The following PITPNM3 variants were observed in gnomAD, a reference collection of about 807,000 sequenced individuals.
PITPNM3 encodes the protein PITPNM family member 3.
PITPNM3 carries 26 observed loss-of-function variants against 102.0 expected under a neutral mutation model. That is an observed-to-expected ratio of 0.25 (90% CI 0.19 to 0.35). PITPNM3 has a LOEUF of 0.35. Ranked by LOEUF, PITPNM3 falls within the 10% of genes least tolerant of loss-of-function variation. The pLI is 1.00. For synonymous variants in PITPNM3, 578 were observed against 558.6 expected, an observed-to-expected ratio of 1.03 and a Z score of -0.49; for missense variants, 1,083 against 1,346.1, an observed-to-expected ratio of 0.80 and a Z score of 3.06.
chr17:6,463,568 A>C (rs1047698338), intron 17 of PITPNM3, among the ~76,000 whole-genome samples, 164 bp downstream of exon 17: 4 of 152,174 alleles, frequency 2.6e-5, no homozygotes, highest in African/African-American at 9.7e-5. Flanking sequence ...TTTCCCAAGG[A>C]TACTCAATAA....
chr17:6,461,407 T>G lies in PITPNM3; in HGVS notation c.2456A>C (p.Gln819Pro). 1 of 1,614,148 alleles carries G rather than the reference T, an allele frequency of 6.2e-7. No individual in the cohort carries two copies. Reference protein sequence around the residue: ...SDGLVHDPLRQKAIFLRNLMQ... With the variant: ...SDGLVHDPLRPKAIFLRNLMQ... ...GAGGTTGCGCAGGAAGATGGCCTTC[T>G]GCCGCAGCGGGTCATGCACCAGCCC... is the stretch of plus-strand genomic sequence containing the variant. The change falls in exon 18 of 20, where the codon CAG (glutamine) becomes CCG (proline). Residue 819 changes from glutamine (Q) to proline (P), a missense_variant. By Grantham distance (76) the Gln-to-Pro change is moderately conservative (BLOSUM62 -1). This residue lies in a region of PITPNM3 where 410 missense variants were observed against 638.4 expected (regional missense o/e 0.64). Transcript: ENST00000262483.
Position 6,468,824 on chromosome 17 carries a change from T to C in PITPNM3, c.1774-483A>G, listed in dbSNP as rs564946822. Among the ~76,000 whole-genome samples, 1 of 152,246 alleles carries C rather than the reference T, an allele frequency of 6.6e-6. No individual in the cohort carries two copies. The highest frequency in any genetic ancestry group is 1.9e-4 in the East Asian group (1 of 5,174). On this transcript the variant is annotated intron_variant, in intron 13 of 19. Coordinates refer to ENST00000262483, the MANE Select transcript of PITPNM3 (RefSeq NM_031220.4). This position sits in a 1 kb window ranked among gnomAD's most constrained non-coding sequence, Gnocchi z 5.2. ...CCATCTTAAAAAATACTCTCTCAGA[T>C]TCCTCATGCCTCTCCAGTGACCGCC...
intron 4 of PITPNM3, among the ~76,000 whole-genome samples, chr17:6,487,536 G>A (rs932008461): frequency 9.9e-5 from 15 of 152,166 alleles, no homozygotes; most frequent in African/African-American, 3.4e-4. Flanking sequence ...CGGCCTTGCT[G>A]GGCTGGGCGC....
chr17:6,549,155 C>A (rs955239633), intron 1 of PITPNM3, among the ~76,000 whole-genome samples: 7 of 152,096 alleles, frequency 4.6e-5, no homozygotes, highest in Non-Finnish European at 8.8e-5. Flanking sequence ...AGCAGCTTCA[C>A]AAAACCTGAG....
At position 6,472,559 on chromosome 17, in the gene PITPNM3, C is replaced by T. The variant is rs1001651217; in HGVS notation, c.1429+98G>A. ...ACCTTCTGTTCTCACAGCCCCTGCT[C>T]AGGTGAGTCACCCTACTCACTGAGA... On this transcript the variant is annotated intron_variant, in intron 11 of 19. Coordinates refer to ENST00000262483, the MANE Select transcript of PITPNM3 (RefSeq NM_031220.4). The surrounding 1 kb of genome is among the most constrained non-coding windows in gnomAD (Gnocchi z 4.1). 12 of 1,435,766 alleles carry T rather than the reference C, an allele frequency of 8.4e-6. No individual in the cohort carries two copies. The highest frequency in any genetic ancestry group is 1.1e-5 in the Non-Finnish European group (12 of 1,044,392). The allele number at this position is 1,435,766 out of a possible 1,614,324, so 88.9% of individuals were successfully genotyped here. A position where few individuals can be genotyped will look rare whatever the true frequency, so the allele number is the denominator to read the frequency against.
chr17:6,473,125 T>G, intron 10 of PITPNM3: 1 of 454,950 alleles, frequency 2.2e-6, no homozygotes, highest in Non-Finnish European at 4.1e-6. Flanking sequence ...GGGCCCTCCC[T>G]CCCCCATTTC....
chr17:6,478,205 T>C lies in PITPNM3; in HGVS notation c.778-108A>G. 6.4e-7 allele frequency: 1 copy of C among 1,552,318 alleles called. No individual in the cohort carries two copies. On this transcript the variant is annotated intron_variant, in intron 7 of 19. Coordinates refer to ENST00000262483, the MANE Select transcript of PITPNM3 (RefSeq NM_031220.4). This position sits in a 1 kb window ranked among gnomAD's most constrained non-coding sequence, Gnocchi z 4.4. ...CCACAGGAGAATGAGAAACTCGTCC[T>C]TGGGAGGTGTTGAGAGAGCCCAACT...
chr17:6,490,256 G>A (rs988731866), intron 4 of PITPNM3, among the ~76,000 whole-genome samples: 1 of 152,114 alleles, frequency 6.6e-6, no homozygotes, highest in Non-Finnish European at 1.5e-5. Flanking sequence ...CAGACTTACA[G>A]GGGAGACAGG....
chr17:6,468,409 G>C lies in PITPNM3; in HGVS notation c.1774-68C>G. The stretch of plus-strand genomic sequence containing the variant: ...TCTCTGCTTCCCTCCCAGGGTGTCA[G>C]TGCCCACCAGCTTGTGGCCAGCTGG... On this transcript the variant is annotated intron_variant, in intron 13 of 19. Coordinates refer to ENST00000262483, the MANE Select transcript of PITPNM3 (RefSeq NM_031220.4). This position sits in a 1 kb window ranked among gnomAD's most constrained non-coding sequence, Gnocchi z 5.2. 1.3e-6 allele frequency: 2 copies of C among 1,508,446 alleles called. No homozygotes were observed. Among genetic ancestry groups the C allele is most frequent in the Non-Finnish European group, 1.8e-6 (2 of 1,085,610 alleles). The allele number at this position is 1,508,446 out of a possible 1,614,324, so 93.4% of individuals were successfully genotyped here. A position where few individuals can be genotyped will look rare whatever the true frequency, so the allele number is the denominator to read the frequency against.
Position 6,457,178 on chromosome 17 carries a change from C to T in PITPNM3, c.2619+416G>A, listed in dbSNP as rs56288601. On this transcript the variant is annotated intron_variant, in intron 19 of 19. Coordinates refer to ENST00000262483, the MANE Select transcript of PITPNM3 (RefSeq NM_031220.4). This position sits in a 1 kb window ranked among gnomAD's most constrained non-coding sequence, Gnocchi z 4.7. ...CTCCTGACCTTGGCTTTTGCTGCTG[C>T]CTCTGTCACAAATATTCTTCTCAAT... Among the ~76,000 whole-genome samples, 9,786 of 152,160 alleles carry T rather than the reference C, an allele frequency of 0.064. 552 individuals are homozygous for T. Among genetic ancestry groups the T allele is most frequent in the East Asian group, 0.17 (860 of 5,150 alleles).
intron 3 of PITPNM3, among the ~76,000 whole-genome samples, chr17:6,514,078 G>C (rs1908014519): frequency 6.6e-6 from 1 of 152,100 alleles, no homozygotes; most frequent in Non-Finnish European, 1.5e-5. Flanking sequence ...ACACTCAAAA[G>C]AACTCCTAGC....
Position 6,464,713 on chromosome 17 carries a change from A to G in PITPNM3, c.1949T>C (p.Val650Ala), listed in dbSNP as rs1904671177. Residue 650 changes from valine (V) to alanine (A), a missense_variant, in exon 15 of 20, where the codon GTC becomes GCC. Around this residue, in one of 5 missense-constraint regions of PITPNM3, gnomAD observed 410 missense variants for 638.4 expected, o/e 0.64. Transcript: ENST00000262483. The stretch of plus-strand genomic sequence containing the variant: ...CCCGTACATGAACCGCCCCACCAGG[A>G]CCTGGGGGCCATCTTCAGCAGCAAT... ...DVIAAEDGPQ[V>A]LVGRFMYGPL... 1.2e-6 allele frequency: 2 copies of G among 1,614,156 alleles called. No individual in the cohort carries two copies. Among genetic ancestry groups the G allele is most frequent in the East Asian group, 4.5e-5 (2 of 44,884 alleles).
chr17:6,521,118 A>G (rs574551662), intron 3 of PITPNM3: 1 of 152,316 alleles, frequency 6.6e-6, no homozygotes, highest in Non-Finnish European at 1.5e-5. Context: ...ATACTTAAGA[A>G]CCGTTAAAAT....
chr17:6,490,474 G>A (rs1906390447), intron 4 of PITPNM3, among the ~76,000 whole-genome samples: 1 of 152,136 alleles, frequency 6.6e-6, no homozygotes, highest in Non-Finnish European at 1.5e-5. Flanking sequence ...ACCTTGAAGG[G>A]GACCCAGAGT....
chr17:6,487,307 G>A (rs1204475403), intron 4 of PITPNM3, among the ~76,000 whole-genome samples: 1 of 152,182 alleles, frequency 6.6e-6, no homozygotes, highest in Non-Finnish European at 1.5e-5. Context: ...GTGGTGGTGA[G>A]GATAGATGAG....
chr17:6,508,513 G>A (rs1210344459), intron 3 of PITPNM3, among the ~76,000 whole-genome samples: 1 of 152,182 alleles, frequency 6.6e-6, no homozygotes, highest in East Asian at 1.9e-4. Context: ...TTCCCAGGAC[G>A]GCTCAGGCAG....
intron 1 of PITPNM3, among the ~76,000 whole-genome samples, chr17:6,547,822 G>A (rs1411089677): frequency 1.3e-5 from 2 of 151,290 alleles, no homozygotes; most frequent in Admixed American, 6.6e-5. Context: ...TGCAACCTCC[G>A]CCTCCCAGGT....
rs561559769 is a variant in PITPNM3 at position 6,516,285 on chromosome 17, C to T, written c.226+9071G>A. 4.9e-4 allele frequency among the ~76,000 whole-genome samples: 75 copies of T among 152,118 alleles called. 1 individual carries two copies. Among genetic ancestry groups the T allele is most frequent in the Non-Finnish European group, 9.7e-4 (66 of 68,014 alleles). On this transcript the variant is annotated intron_variant, in intron 3 of 19. Transcript: ENST00000262483. ...TCTGGAAGAGAAAGAAATACTTGGC[C>T]GGGCGCCGTGGCTCATGCCTGTAAT...
chr17:6,484,348 C>T (rs1905940922), intron 4 of PITPNM3, 56 bp from the exon 5 acceptor site: 1 of 1,511,758 alleles, frequency 6.6e-7, no homozygotes, highest in Admixed American at 1.7e-5. Context: ...AGTGACCAGA[C>T]ACTCCCTGGG....
Sources: gnomAD v4.1 joint callset for allele counts (sites outside exome capture counted in the v4.1 genomes callset) on GRCh38, gnomAD v4.1.1 for gene constraint, gnomAD v4.1.1 regional missense constraint, Gnocchi (gnomAD v3.1) non-coding constraint, MANE v1.5 for transcripts, NCBI Gene and HGNC (gene_info 2026-07-23, HGNC 2026-07-21) for gene names.